SH3KBP1: variants seen among roughly 807,000 people sequenced by gnomAD.
The protein encoded by SH3KBP1 is SH3 domain containing kinase binding protein 1.
Under a neutral mutation model 50.1 loss-of-function variants are expected in SH3KBP1, and 8 were observed. The ratio of observed to expected loss-of-function variants is 0.16; its 90% confidence interval spans 0.09 to 0.29. The LOEUF (loss-of-function observed/expected upper bound fraction) is 0.29. Among genes scored for constraint, SH3KBP1 ranks in the 10% least tolerant of loss-of-function variants. The pLI, the probability that SH3KBP1 is intolerant of heterozygous loss-of-function variation, is 1.00. For missense variants in SH3KBP1, 377 were observed against 535.2 expected (o/e 0.70, Z 2.92); for synonymous variants, 227 against 218.6 (o/e 1.04, Z -0.34).
intron 14 of SH3KBP1, among the ~76,000 whole-genome samples, chrX:19,549,306 T>C (rs1916193251): frequency 8.9e-6 from 1 of 112,367 alleles, no homozygotes; most frequent in African/African-American, 3.2e-5. Context: ...TTCTTTGCAC[T>C]GGGGAGCAGG....
At chrX:19,715,274 CAA>C (rs35221727) in intron 3 of SH3KBP1, among the ~76,000 whole-genome samples, 3 of 40,315 alleles carry the variant, frequency 7.4e-5, no homozygotes, top group Admixed American at 3.3e-4. Context: ...ACCTTGTCTC[CAA>C]AAAAAAAAAA....
At chrX:19,812,946 G>A (rs1224400441) in intron 2 of SH3KBP1, among the ~76,000 whole-genome samples, 2 of 110,589 alleles carry the variant, frequency 1.8e-5, no homozygotes, top group African/African-American at 6.6e-5. Flanking sequence ...CTGCACTCCA[G>A]CCTGGGTGAA....
intron 12 of SH3KBP1, among the ~76,000 whole-genome samples, chrX:19,582,869 C>T (rs932019437): frequency 8.1e-5 from 9 of 111,362 alleles, no homozygotes; most frequent in Non-Finnish European, 1.9e-5. Context: ...GGAGGATTAA[C>T]AAGCCTGCTT....
In SH3KBP1 at chrX:19,868,981, C is replaced by T. The variant is rs372536080; in HGVS notation, c.4+18326G>A. ...GAGGACAGTATCCTGGATTAACTGG[C>T]TGATCCCAGTGTAATCACACGGATC... is the stretch of plus-strand genomic sequence containing the variant. On this transcript the variant is annotated intron_variant, in intron 1 of 17. Coordinates refer to ENST00000397821, the MANE Select transcript of SH3KBP1 (RefSeq NM_031892.3). Among the ~76,000 whole-genome samples, 27 of 110,625 alleles carry T rather than the reference C, an allele frequency of 2.4e-4. 1 individual carries two copies. In the South Asian group the frequency reaches 6.7e-3, roughly 27 times the overall value.
At chrX:19,731,351 C>A (rs111966059) in intron 3 of SH3KBP1, among the ~76,000 whole-genome samples, 6,051 of 112,290 alleles carry the variant, frequency 0.054, 182 homozygotes, top group Non-Finnish European at 0.087. Context: ...CACTCGCCAT[C>A]GCATGTTACA....
At chrX:19,774,552 TC>T (rs1430941212) in intron 2 of SH3KBP1, among the ~76,000 whole-genome samples, 1 of 106,544 alleles carries the variant, frequency 9.4e-6, no homozygotes, top group Non-Finnish European at 1.9e-5. Context: ...GCGCCAGGAG[TC>T]CCAGCTACTC....
intron 8 of SH3KBP1, among the ~76,000 whole-genome samples, chrX:19,612,569 G>A (rs4825306): frequency 0.27 from 30,511 of 111,050 alleles, 4,691 homozygotes; most frequent in African/African-American, 0.59. Context: ...CCTGGCCTCA[G>A]TTTATTTACT....
chrX:19,568,368 A>T (rs758158408), intron 13 of SH3KBP1, among the ~76,000 whole-genome samples: 104 of 112,415 alleles, frequency 9.3e-4, no homozygotes, highest in Non-Finnish European at 1.8e-3. Context: ...TCCTCTTCCC[A>T]AGAAATGTGA....
chrX:19,693,500 A>G (rs2063347047), intron 5 of SH3KBP1, among the ~76,000 whole-genome samples: 1 of 111,475 alleles, frequency 9.0e-6, no homozygotes, highest in African/African-American at 3.3e-5. Flanking sequence ...TCTCCAGGGG[A>G]TTCAAAATCC....
chrX:19,876,129 T>C (rs1279261221), intron 1 of SH3KBP1, among the ~76,000 whole-genome samples: 2 of 111,560 alleles, frequency 1.8e-5, no homozygotes, highest in African/African-American at 6.5e-5. Context: ...GAGGCTGAGG[T>C]AGACAGATCA....
chrX:19,620,021 T>A (rs1157123042), intron 8 of SH3KBP1, among the ~76,000 whole-genome samples: 1 of 111,715 alleles, frequency 9.0e-6, no homozygotes, highest in African/African-American at 3.3e-5. Flanking sequence ...AGGATGAGCA[T>A]CCTATAGCTG....
chrX:19,856,675 T>C (rs1236624533), intron 1 of SH3KBP1, among the ~76,000 whole-genome samples: 1 of 110,831 alleles, frequency 9.0e-6, no homozygotes, highest in Non-Finnish European at 1.9e-5. Context: ...CAGAGGCAAC[T>C]ACAGCCTTCG....
intron 1 of SH3KBP1, among the ~76,000 whole-genome samples, chrX:19,870,090 G>A (rs777422337): frequency 8.9e-6 from 1 of 112,294 alleles, no homozygotes; most frequent in East Asian, 2.8e-4. Flanking sequence ...TGCAAAATCA[G>A]AGACAACAAG....
chrX:19,661,916 T>G (rs983935136), intron 6 of SH3KBP1, among the ~76,000 whole-genome samples: 1 of 111,569 alleles, frequency 9.0e-6, no homozygotes, highest in Admixed American at 9.5e-5. Flanking sequence ...TGTGAGCCAC[T>G]GCGCCTGGCC....
At chrX:19,634,300 G>C (rs1317272296) in intron 7 of SH3KBP1, among the ~76,000 whole-genome samples, 2 of 110,317 alleles carry the variant, frequency 1.8e-5, no homozygotes, top group African/African-American at 3.3e-5. Context: ...TGGTGCTCTT[G>C]AAATCATATT....
chrX:19,702,273 G>A (rs147928200), intron 4 of SH3KBP1, among the ~76,000 whole-genome samples: 6,304 of 111,800 alleles, frequency 0.056, 209 homozygotes, highest in Non-Finnish European at 0.092. Context: ...AATGACATGA[G>A]GATGTGGGCC....
intron 7 of SH3KBP1, among the ~76,000 whole-genome samples, chrX:19,638,807 A>G: frequency 8.9e-6 from 1 of 111,807 alleles, no homozygotes; most frequent in Non-Finnish European, 1.9e-5. Context: ...AGTGAAATAC[A>G]TACTAGGCTT....
intron 7 of SH3KBP1, among the ~76,000 whole-genome samples, chrX:19,633,663 C>T (rs1191859002): frequency 1.8e-5 from 2 of 111,904 alleles, no homozygotes; most frequent in Non-Finnish European, 3.8e-5. Flanking sequence ...GGATGGAAAT[C>T]ATGAAACAAT....
intron 2 of SH3KBP1, among the ~76,000 whole-genome samples, chrX:19,814,068 C>G (rs1443644885): frequency 9.1e-6 from 1 of 110,276 alleles, no homozygotes; most frequent in Middle Eastern, 4.2e-3. Context: ...TAGCCTGGAC[C>G]TGGCCCCCAC....
Sources: gnomAD v4.1 joint callset for allele counts (sites outside exome capture counted in the v4.1 genomes callset) on GRCh38, gnomAD v4.1.1 for gene constraint, MANE v1.5 for transcripts, NCBI Gene and HGNC (gene_info 2026-07-23, HGNC 2026-07-21) for gene names.